The following CNTNAP2 variants were observed in gnomAD, a reference collection of about 807,000 sequenced individuals.
CNTNAP2 encodes the protein contactin-associated protein-like 2.
A neutral mutation model predicts 155.2 loss-of-function variants in CNTNAP2; 98 were observed. That is an observed-to-expected ratio of 0.63 (90% CI 0.54 to 0.75). CNTNAP2 has a LOEUF of 0.75. Ranked by LOEUF, CNTNAP2 falls within the 30% of genes least tolerant of loss-of-function variation. The pLI, the probability that CNTNAP2 is intolerant of heterozygous loss-of-function variation, is 0.00. For synonymous variants in CNTNAP2, 651 were observed against 631.2 expected (o/e 1.03, Z -0.47); for missense variants, 1,727 against 1,688.1 (o/e 1.02, Z -0.40).
intron 20 of CNTNAP2, among the ~76,000 whole-genome samples, chr7:148,243,112 G>C (rs781368963): frequency 1.6e-4 from 24 of 152,138 alleles, no homozygotes; most frequent in Non-Finnish European, 3.2e-4. Context: ...CATCCTATCC[G>C]AGCATCCTTC....
chr7:148,315,557 G>A (rs1314857798), intron 21 of CNTNAP2, among the ~76,000 whole-genome samples: 1 of 152,180 alleles, frequency 6.6e-6, no homozygotes, highest in Non-Finnish European at 1.5e-5. Context: ...CCGGCCATCT[G>A]GATGTGTACA....
At chr7:147,547,350 T>C (rs1584804764) in intron 11 of CNTNAP2, among the ~76,000 whole-genome samples, 1 of 152,086 alleles carries the variant, frequency 6.6e-6, no homozygotes, top group Non-Finnish European at 1.5e-5. Context: ...TCTAGGTCCT[T>C]AGTTACCTTG....
intron 20 of CNTNAP2, among the ~76,000 whole-genome samples, chr7:148,234,358 G>T (rs527978597): frequency 6.6e-6 from 1 of 152,302 alleles, no homozygotes; most frequent in East Asian, 1.9e-4. Context: ...TGATGTTACT[G>T]TTATTACCAT....
chr7:146,866,263 T>A (rs1490491207), intron 3 of CNTNAP2, among the ~76,000 whole-genome samples: 1 of 152,050 alleles, frequency 6.6e-6, no homozygotes, highest in African/African-American at 2.4e-5. Context: ...AAATGAAAAT[T>A]CCAAACCTTT....
At chr7:146,203,576 C>T (rs1468423202) in intron 1 of CNTNAP2, among the ~76,000 whole-genome samples, 1 of 152,076 alleles carries the variant, frequency 6.6e-6, no homozygotes, top group Non-Finnish European at 1.5e-5. Context: ...TTTTTGGGTT[C>T]TTACAGAGTT....
chr7:147,043,570 T>C (rs1008368282), intron 3 of CNTNAP2, among the ~76,000 whole-genome samples: 1 of 152,238 alleles, frequency 6.6e-6, no homozygotes, highest in African/African-American at 2.4e-5. Flanking sequence ...TATGGTTAGA[T>C]GCTATAAAAA....
At chr7:146,751,247 G>A (rs1449912324) in intron 1 of CNTNAP2, among the ~76,000 whole-genome samples, 1 of 152,026 alleles carries the variant, frequency 6.6e-6, no homozygotes. Flanking sequence ...ATACACATTT[G>A]AGCATACAAA....
chr7:146,326,400 T>G (rs1042626706), intron 1 of CNTNAP2, among the ~76,000 whole-genome samples: 2 of 152,228 alleles, frequency 1.3e-5, no homozygotes, highest in Admixed American at 6.5e-5. Context: ...TTTTCCTGAA[T>G]GCTCCTGAAT....
chr7:147,952,991 G>A (rs760111826), intron 14 of CNTNAP2, among the ~76,000 whole-genome samples: 11 of 152,130 alleles, frequency 7.2e-5, no homozygotes, highest in Non-Finnish European at 1.5e-4. Context: ...GTAGTATGTG[G>A]CAAAGCAAGC....
intron 15 of CNTNAP2, among the ~76,000 whole-genome samples, chr7:148,050,253 C>CTG (rs1308397385): frequency 6.6e-6 from 1 of 152,170 alleles, no homozygotes; most frequent in African/African-American, 2.4e-5. Context: ...GCTGGCAGCT[C>CTG]TGTGTGTGTC....
intron 9 of CNTNAP2, among the ~76,000 whole-genome samples, chr7:147,361,013 G>T (rs1796139506): frequency 6.6e-6 from 1 of 152,100 alleles, no homozygotes; most frequent in South Asian, 2.1e-4. Context: ...CCAATGAAGG[G>T]TGTAAGAGTT....
Position 148,415,535 on chromosome 7 carries a change from G to A in CNTNAP2, c.3915G>A (p.Glu1305=), listed in dbSNP as rs945938905. 1 of 1,614,250 alleles carries A rather than the reference G, an allele frequency of 6.2e-7. No individual in the cohort carries two copies. The highest frequency in any genetic ancestry group is 8.5e-7 in the Non-Finnish European group (1 of 1,180,032). The change falls in exon 24 of 24, where the codon GAG becomes GAA. Residue 1305 remains glutamate (E), a synonymous_variant. Transcript: ENST00000361727. ...AAGCAAAGGGGGCGGAGTCGGCAGA[G>A]AGCGCGGACGCCGCCATCATGAACA... is the stretch of plus-strand genomic sequence containing the variant. ...TNEAKGAESA[E]SADAAIMNND...
At chr7:146,641,933 A>T (rs574449818) in intron 1 of CNTNAP2, among the ~76,000 whole-genome samples, 7 of 152,250 alleles carry the variant, frequency 4.6e-5, no homozygotes, top group East Asian at 1.9e-4. Context: ...GAGTCAGATT[A>T]AAAAAAGTTT....
At chr7:146,882,794 C>A (rs1230895564) in intron 3 of CNTNAP2, among the ~76,000 whole-genome samples, 1 of 151,928 alleles carries the variant, frequency 6.6e-6, no homozygotes, top group African/African-American at 2.4e-5. Context: ...GGCTGAGAAC[C>A]AAATCAAGAA....
intron 8 of CNTNAP2, among the ~76,000 whole-genome samples, chr7:147,211,570 C>T (rs1410077767): frequency 6.6e-6 from 1 of 151,972 alleles, no homozygotes; most frequent in Non-Finnish European, 1.5e-5. Flanking sequence ...GGAGAAACAA[C>T]TCCCTATTCA....
chr7:146,484,508 T>C (rs1797026229), intron 1 of CNTNAP2, among the ~76,000 whole-genome samples: 1 of 152,192 alleles, frequency 6.6e-6, no homozygotes, highest in African/African-American at 2.4e-5. Context: ...ATAACATAAA[T>C]ACTCAATTAT....
At chr7:147,174,718 A>G (rs1463582333) in intron 8 of CNTNAP2, among the ~76,000 whole-genome samples, 1 of 152,172 alleles carries the variant, frequency 6.6e-6, no homozygotes, top group Non-Finnish European at 1.5e-5. Flanking sequence ...AAGAGAAAAA[A>G]GAATGTGAAA....
chr7:146,522,884 A>G (rs801966), intron 1 of CNTNAP2, among the ~76,000 whole-genome samples: 5,343 of 151,856 alleles, frequency 0.035, 300 homozygotes, highest in African/African-American at 0.12. Flanking sequence ...TATACAGTTT[A>G]GAAATGAGTG....
At chr7:147,990,012 TG>T (rs1365573866) in intron 15 of CNTNAP2, among the ~76,000 whole-genome samples, 1 of 151,898 alleles carries the variant, frequency 6.6e-6, no homozygotes, top group Non-Finnish European at 1.5e-5. Context: ...GCTGCAAACT[TG>T]GGTGGCTCTC....
Sources: allele counts gnomAD v4.1 joint callset (sites outside exome capture counted in the v4.1 genomes callset), GRCh38; gene constraint gnomAD v4.1.1; transcripts MANE v1.5; gene names NCBI Gene and HGNC (gene_info 2026-07-23, HGNC 2026-07-21).